CADPS: variants seen among roughly 807,000 people sequenced by gnomAD.
The protein encoded by CADPS is calcium dependent secretion activator, also known as calcium-dependent secretion activator 1.
CADPS carries 57 observed loss-of-function variants against 167.3 expected under a neutral mutation model. The ratio of observed to expected loss-of-function variants is 0.34; its 90% CI spans 0.28 to 0.42. CADPS has a LOEUF of 0.42. Among genes scored for constraint, CADPS ranks in the 20% least tolerant of loss-of-function variants. The pLI, the probability that CADPS is intolerant of heterozygous loss-of-function variation, is 1.00. For synonymous variants in CADPS, 676 were observed against 635.3 expected, an observed-to-expected ratio of 1.06 and a Z score of -0.96; for missense variants, 1,414 against 1,738.1, an observed-to-expected ratio of 0.81 and a Z score of 3.32.
Position 62,421,408 on chromosome 3 carries a change from G to T in CADPS, c.3777+16696C>A, listed in dbSNP as rs1314410444. Reference sequence around the variant, plus strand: ...ATGGAGTGTCTTTTGGGACCAATTTGTCTCTTTTCACTCTTTATTCTTCCC... The same window carrying T: ...ATGGAGTGTCTTTTGGGACCAATTTTTCTCTTTTCACTCTTTATTCTTCCC... On this transcript the variant is annotated intron_variant, in intron 28 of 29. Transcript: ENST00000383710. The surrounding 1 kb of genome is among the most constrained non-coding windows in gnomAD (Gnocchi z 4.7). 6.6e-6 allele frequency among the ~76,000 whole-genome samples: 1 copy of T among 152,318 alleles called. No homozygotes were observed. The highest frequency in any genetic ancestry group is 1.9e-4 in the East Asian group (1 of 5,172).
At chr3:62,680,888 G>A (rs373229559) in intron 3 of CADPS, among the ~76,000 whole-genome samples, 2 of 151,922 alleles carry the variant, frequency 1.3e-5, no homozygotes, top group East Asian at 1.9e-4. Context: ...GCCCTGAGAG[G>A]TTCTGAAACC....
chr3:62,858,008 C>T (rs2080037617), intron 1 of CADPS, among the ~76,000 whole-genome samples: 1 of 152,062 alleles, frequency 6.6e-6, no homozygotes, highest in Admixed American at 6.6e-5. Flanking sequence ...TTTGTCTAAA[C>T]ATATTCAAAA....
intron 1 of CADPS, among the ~76,000 whole-genome samples, chr3:62,782,909 G>A (rs1431661899): frequency 1.3e-5 from 2 of 151,838 alleles, no homozygotes; most frequent in African/African-American, 2.4e-5. Context: ...ACAGGTGCCC[G>A]CCACCATGCC....
intron 3 of CADPS, among the ~76,000 whole-genome samples, chr3:62,677,316 A>T (rs1026183462): frequency 6.6e-6 from 1 of 152,112 alleles, no homozygotes; most frequent in Non-Finnish European, 1.5e-5. Context: ...CAGCAAAAAA[A>T]CCAAAAAACC....
chr3:62,428,011 C>T (rs2053114978), intron 28 of CADPS, among the ~76,000 whole-genome samples: 1 of 152,144 alleles, frequency 6.6e-6, no homozygotes, highest in Non-Finnish European at 1.5e-5. Flanking sequence ...CAGGGATGGT[C>T]AGAATGGAAA....
At chr3:62,473,346 A>G (rs2060855541) in intron 24 of CADPS, among the ~76,000 whole-genome samples, 1 of 152,244 alleles carries the variant, frequency 6.6e-6, no homozygotes, top group South Asian at 2.1e-4. Flanking sequence ...GAGAAAATAA[A>G]TAACGAATAA....
At chr3:62,516,724 ACTCT>A (rs1403413834) in intron 14 of CADPS, 81 bp from the exon 15 acceptor site, 42 of 968,362 alleles carry the variant, frequency 4.3e-5, no homozygotes, top group Non-Finnish European at 5.7e-5. Flanking sequence ...TCCTATAGCA[ACTCT>A]CTCTGAGGAA....
intron 4 of CADPS, among the ~76,000 whole-genome samples, chr3:62,655,333 TCAAGCA>T (rs2071280698): frequency 6.6e-6 from 1 of 152,180 alleles, no homozygotes; most frequent in Non-Finnish European, 1.5e-5. Context: ...TGCTACTTTT[TCAAGCA>T]CAAAAATAGA....
chr3:62,646,936 C>T (rs1022480495), intron 5 of CADPS, among the ~76,000 whole-genome samples: 5 of 152,114 alleles, frequency 3.3e-5, no homozygotes, highest in South Asian at 2.1e-4. Flanking sequence ...GAGAAAAAGC[C>T]GGTGTCATGA....
chr3:62,815,448 C>A (rs2094570060), intron 1 of CADPS, among the ~76,000 whole-genome samples: 1 of 151,518 alleles, frequency 6.6e-6, no homozygotes, highest in Non-Finnish European at 1.5e-5. Context: ...AAGTGACTGG[C>A]AGGGGGCAGG....
chr3:62,679,865 C>T (rs566947854), intron 3 of CADPS, among the ~76,000 whole-genome samples: 1 of 152,048 alleles, frequency 6.6e-6, no homozygotes, highest in South Asian at 2.1e-4. Context: ...GGAGTTCTGG[C>T]ACAGCAATGC....
At chr3:62,856,303 T>A (rs1296336549) in intron 1 of CADPS, among the ~76,000 whole-genome samples, 1 of 152,170 alleles carries the variant, frequency 6.6e-6, no homozygotes, top group Non-Finnish European at 1.5e-5. Context: ...GTATAGGCCA[T>A]GTATGTTGAA....
chr3:62,430,946 C>G (rs984859986), intron 28 of CADPS, among the ~76,000 whole-genome samples: 11 of 152,114 alleles, frequency 7.2e-5, no homozygotes. Flanking sequence ...AACTGCCTTT[C>G]CCAGTTCATT....
chr3:62,768,949 G>C (rs906437220), intron 1 of CADPS, among the ~76,000 whole-genome samples: 1 of 152,118 alleles, frequency 6.6e-6, no homozygotes, highest in Admixed American at 6.6e-5. Flanking sequence ...GCAGAACTTT[G>C]CTTATGTCTG....
chr3:62,621,546 T>A (rs1165604353), intron 6 of CADPS, among the ~76,000 whole-genome samples: 2 of 152,190 alleles, frequency 1.3e-5, no homozygotes, highest in African/African-American at 4.8e-5. Context: ...GTATAGTTTT[T>A]AACAGAAATA....
intron 3 of CADPS, among the ~76,000 whole-genome samples, chr3:62,667,088 A>T (rs1460899620): frequency 2.0e-5 from 3 of 148,796 alleles, no homozygotes; most frequent in African/African-American, 7.4e-5. Context: ...TGAACAAGCA[A>T]TCGAATCTTT....
rs769796019 is a variant in CADPS, at chr3:62,445,724, AAAC to A, written c.3669+38_3669+40del. On this transcript the variant is annotated intron_variant, in intron 27 of 29. Coordinates refer to ENST00000383710, the MANE Select transcript of CADPS (RefSeq NM_003716.4). ...AAAAAGTAAAAATGAAAAAAAAAAAAAACAAAAAAACCCCATGAGAAACAATTT... is the reference window on the plus strand; with the variant it reads ...AAAAAGTAAAAATGAAAAAAAAAAAAAAAAAAACCCCATGAGAAACAATTT... The A allele has an allele frequency of 1.2e-3, 1,726 of 1,388,928 alleles. 74 individuals are homozygous for A. The highest frequency in any genetic ancestry group is 1.7e-3 in the South Asian group (124 of 72,062). The allele number at this position is 1,388,928 out of a possible 1,614,324, so 86.0% of individuals were successfully genotyped here. A position where few individuals can be genotyped will look rare whatever the true frequency, so the allele number is the denominator to read the frequency against.
chr3:62,491,467 A>G lies in CADPS; in HGVS notation c.2898T>C (p.Asn966=). The part of the protein sequence containing the change: ...DFLRTDYNLC[N]GKFHKHLQDL... ...CTTGCAGGTGTTTGTGAAATTTTCC[A>G]TTGCACAAATTATCTAGAACAGATA... The change falls in exon 21 of 30, where the codon AAT becomes AAC. Residue 966 remains asparagine, a synonymous_variant. Transcript: ENST00000383710. The G allele has an allele frequency of 6.2e-7, 1 of 1,613,894 alleles. No individual in the cohort carries two copies. The highest frequency in any genetic ancestry group is 2.2e-5 in the East Asian group (1 of 44,860).
intron 7 of CADPS, among the ~76,000 whole-genome samples, chr3:62,588,276 G>A (rs2148685427): frequency 6.6e-6 from 1 of 150,704 alleles, no homozygotes; most frequent in Admixed American, 6.7e-5. Flanking sequence ...TTCTTGCTAG[G>A]TGCTTCATTT....
Sources: allele counts gnomAD v4.1 joint callset (sites outside exome capture counted in the v4.1 genomes callset), GRCh38; gene constraint gnomAD v4.1.1; non-coding constraint Gnocchi (gnomAD v3.1); transcripts MANE v1.5; gene names NCBI Gene and HGNC (gene_info 2026-07-23, HGNC 2026-07-21).